The following TSPEAR variants were observed in gnomAD, a reference collection of about 807,000 sequenced individuals.
The protein encoded by TSPEAR is thrombospondin type laminin G domain and EAR repeats.
Under a neutral mutation model 71.6 loss-of-function variants are expected in TSPEAR, and 69 were observed. The ratio of observed to expected loss-of-function variants is 0.96; its 90% confidence interval spans 0.79 to 1.18. The LOEUF is 1.18. Ranked by LOEUF, TSPEAR falls within the 50% of genes most tolerant of loss-of-function variation. TSPEAR has a pLI of 0.00. For synonymous variants in TSPEAR, 402 were observed against 387.2 expected, an observed-to-expected ratio of 1.04 and a Z score of -0.45; for missense variants, 971 against 894.9, an observed-to-expected ratio of 1.09 and a Z score of -1.09.
chr21:44,649,676 C>T (rs1984658875), intron 1 of TSPEAR, among the ~76,000 whole-genome samples: 1 of 152,190 alleles, frequency 6.6e-6, no homozygotes. Context: ...ATACAGGCCT[C>T]CCTCCTTCTG....
chr21:44,530,515 GCATC>G (rs112821244), intron 4 of TSPEAR, among the ~76,000 whole-genome samples: 3 of 147,546 alleles, frequency 2.0e-5, no homozygotes, highest in South Asian at 2.1e-4. Context: ...ATCTCTCCAC[GCATC>G]CATCCATCCA....
chr21:44,607,343 G>T (rs1448256002), intron 1 of TSPEAR, among the ~76,000 whole-genome samples: 5 of 152,188 alleles, frequency 3.3e-5, no homozygotes, highest in Non-Finnish European at 4.4e-5. Context: ...CTCCCAAAGT[G>T]CTGGGATTAC....
intron 11 of TSPEAR, among the ~76,000 whole-genome samples, chr21:44,503,762 T>A (rs1311926192): frequency 3.0e-5 from 3 of 98,584 alleles, no homozygotes; most frequent in South Asian, 3.6e-4. Flanking sequence ...TGGTGAGCCC[T>A]CGGGGGGAAG....
intron 1 of TSPEAR, among the ~76,000 whole-genome samples, chr21:44,635,070 C>T (rs1368972339): frequency 1.3e-5 from 2 of 152,070 alleles, no homozygotes; most frequent in African/African-American, 4.8e-5. Context: ...TAGGGCCGGG[C>T]GCAGTGGCTC....
At chr21:44,505,789 C>T (rs2052184509) in intron 10 of TSPEAR, among the ~76,000 whole-genome samples, 3 of 152,060 alleles carry the variant, frequency 2.0e-5, no homozygotes, top group Middle Eastern at 3.2e-3. Context: ...TGAATGGACA[C>T]GTTGTGTTTG....
chr21:44,587,895 A>C (rs1268732246), intron 1 of TSPEAR, among the ~76,000 whole-genome samples: 4 of 152,250 alleles, frequency 2.6e-5, no homozygotes, highest in Admixed American at 6.5e-5. Context: ...CAAGGACTTA[A>C]ATCTAAGACC....
At chr21:44,591,382 G>C (rs1395303794) in intron 1 of TSPEAR, 1 of 1,598,882 alleles carries the variant, frequency 6.3e-7, no homozygotes, top group African/African-American at 1.3e-5. Context: ...TCACATCCAG[G>C]GCTGTCAGCA....
Position 44,568,060 on chromosome 21 carries a change from C to T in TSPEAR, c.83-55G>A, listed in dbSNP as rs987414155. 3.1e-5 allele frequency: 43 copies of T among 1,372,124 alleles called. No individual in the cohort carries two copies. The African/African-American group carries it at 5.8e-4, about 18-fold the overall frequency. 85.0% of individuals were successfully genotyped at this position (1,372,124 alleles called of 1,614,324 possible). A position where few individuals can be genotyped will look rare whatever the true frequency, so the allele number is the denominator to read the frequency against. On this transcript the variant is annotated intron_variant, in intron 1 of 11. Transcript: ENST00000323084. Reference sequence around the variant, plus strand: ...GCCAGGACACCCCCAAAAGTGGATACCCATAACAGCCAACATGTATGGGGC... The same window carrying T: ...GCCAGGACACCCCCAAAAGTGGATATCCATAACAGCCAACATGTATGGGGC...
intron 1 of TSPEAR, among the ~76,000 whole-genome samples, chr21:44,587,948 C>T (rs1300633384): frequency 1.3e-5 from 2 of 152,186 alleles, no homozygotes; most frequent in East Asian, 1.9e-4. Context: ...AAAATCCCTT[C>T]TAGATATTGG....
At chr21:44,601,160 G>A in intron 1 of TSPEAR, 2 of 1,599,800 alleles carry the variant, frequency 1.3e-6, no homozygotes, top group Non-Finnish European at 8.5e-7. Flanking sequence ...AGCTGTGTGA[G>A]CTGTGTGTCC....
At chr21:44,507,966 G>T (rs1043494002) in intron 10 of TSPEAR, 7 of 152,182 alleles carry the variant, frequency 4.6e-5, no homozygotes, top group African/African-American at 1.7e-4. Context: ...TATTATGAGT[G>T]TTCTTTTTTT....
intron 2 of TSPEAR, among the ~76,000 whole-genome samples, chr21:44,549,779 T>C (rs1042553874): frequency 1.8e-4 from 27 of 152,376 alleles, no homozygotes; most frequent in African/African-American, 3.6e-4. Context: ...TCCTCTGCCA[T>C]TGGGGCCTTG....
At chr21:44,615,924 G>T (rs904004234) in intron 1 of TSPEAR, among the ~76,000 whole-genome samples, 2 of 152,304 alleles carry the variant, frequency 1.3e-5, no homozygotes, top group Admixed American at 1.3e-4. Flanking sequence ...AGGAAAACAC[G>T]CCCATGAGAC....
intron 1 of TSPEAR, among the ~76,000 whole-genome samples, chr21:44,595,966 G>C (rs1980340338): frequency 1.3e-5 from 2 of 152,146 alleles, no homozygotes; most frequent in South Asian, 4.1e-4. Context: ...AGTACCACAA[G>C]CTTAGTGGCT....
chr21:44,512,700 T>TGGCA (rs2052426707), intron 9 of TSPEAR, among the ~76,000 whole-genome samples: 1 of 151,846 alleles, frequency 6.6e-6, no homozygotes, highest in Middle Eastern at 3.2e-3. Context: ...TTTCATGGGG[T>TGGCA]GGCAGGGAGC....
chr21:44,600,287 GACACTCTATTTGCAGACATTAC>G (rs143017470), intron 1 of TSPEAR, among the ~76,000 whole-genome samples: 2,330 of 152,200 alleles, frequency 0.015, 43 homozygotes, highest in African/African-American at 0.053. Context: ...AGGCCCCTGG[GACACTCTATTTGCAGACATTAC>G]ACCCTGTCTA....
intron 10 of TSPEAR, 57 bp from the exon 11 acceptor site, chr21:44,504,938 G>T (rs2052160099): frequency 7.0e-7 from 1 of 1,434,088 alleles, no homozygotes; most frequent in South Asian, 1.2e-5. Flanking sequence ...GGGAACTGGG[G>T]GATTGGCCAG....
intron 1 of TSPEAR, chr21:44,591,522 G>A: frequency 6.2e-7 from 1 of 1,613,314 alleles, no homozygotes. Flanking sequence ...CACCACAGGA[G>A]GGGACGGGCA....
chr21:44,589,005 G>A (rs1555926057), intron 1 of TSPEAR, among the ~76,000 whole-genome samples: 2 of 152,026 alleles, frequency 1.3e-5, no homozygotes, highest in Non-Finnish European at 1.5e-5. Context: ...GAGAGGGAAA[G>A]GGCGGGAAGG....
Sources: gnomAD v4.1 joint callset for allele counts (sites outside exome capture counted in the v4.1 genomes callset) on GRCh38, gnomAD v4.1.1 for gene constraint, MANE v1.5 for transcripts, NCBI Gene and HGNC (gene_info 2026-07-23, HGNC 2026-07-21) for gene names.